Variants in RUBCN observed in about 807,000 individuals in gnomAD.
RUBCN encodes the protein run domain Beclin-1-interacting and cysteine-rich domain-containing protein.
A neutral mutation model predicts 113.2 loss-of-function variants in RUBCN; 74 were observed. The ratio of observed to expected loss-of-function variants is 0.65; its 90% confidence interval spans 0.54 to 0.79. The LOEUF is 0.79. RUBCN is among the 30% of genes least tolerant of loss of function. The pLI, the probability that RUBCN is intolerant of heterozygous loss-of-function variation, is 0.00. For missense variants in RUBCN, 1,109 were observed against 1,251.7 expected, an observed-to-expected ratio of 0.89 and a Z score of 1.72; for synonymous variants, 480 against 490.0, an observed-to-expected ratio of 0.98 and a Z score of 0.27.
chr3:197,679,378 T>C (rs1720905831), intron 16 of RUBCN, among the ~76,000 whole-genome samples: 1 of 147,312 alleles, frequency 6.8e-6, no homozygotes, highest in Non-Finnish European at 1.5e-5. Flanking sequence ...TAGACTGTCC[T>C]ACGCTCTAAC....
chr3:197,681,015 TG>T lies in RUBCN; in HGVS notation c.2430+113del, dbSNP rs1291892202. 11 of 517,016 alleles carry T rather than the reference TG, an allele frequency of 2.1e-5. No homozygotes were observed. Among genetic ancestry groups the T allele is most frequent in the Middle Eastern group, 4.9e-4 (1 of 2,024 alleles). 32.0% of individuals were successfully genotyped at this position (517,016 alleles called of 1,614,324 possible). A position where few individuals can be genotyped will look rare whatever the true frequency, so the allele number is the denominator to read the frequency against. ...AAGGAGAGGAGACGAGGGGAGGGGA[TG>T]GGGGGAGGGGACAAGAGGAGGGGAT... On this transcript the variant is annotated intron_variant, in intron 16 of 19. Transcript: ENST00000296343. This position sits in a 1 kb window ranked among gnomAD's most constrained non-coding sequence, Gnocchi z 5.5.
Position 197,681,295 on chromosome 3 carries a change from TG to T in RUBCN, c.2263del (p.Gln755ArgfsTer41). ...CAGAACCCGGCTGGGGATGGCCATC[TG>T]GGCATTCTCGTGGCAGCACTGGCAG... ...YFCQCCHENA[Q>X]MAIPSRVLRK... is the part of the protein sequence containing the mutation. On this transcript the variant is annotated frameshift_variant, in exon 16 of 20. Coordinates refer to ENST00000296343, the MANE Select transcript of RUBCN (RefSeq NM_014687.4). LOFTEE classifies it high-confidence loss of function. The surrounding 1 kb of genome is among the most constrained non-coding windows in gnomAD (Gnocchi z 5.5). The T allele has an allele frequency of 6.2e-7, 1 of 1,614,220 alleles. No individual in the cohort carries two copies. The highest frequency in any genetic ancestry group is 8.5e-7 in the Non-Finnish European group (1 of 1,180,034).
At position 197,671,358 on chromosome 3, in the gene RUBCN, G is replaced by A. The variant is rs987421615; in HGVS notation, c.*3660C>T. ...CTAATCATTGTTCCACTGAGGCGCA[G>A]GGAGGAAAATAATGTATGATCAAGA... On this transcript the variant is annotated 3_prime_UTR_variant, in exon 20 of 20. Coordinates refer to ENST00000296343, the MANE Select transcript of RUBCN (RefSeq NM_014687.4). 1 of 152,182 alleles carries A rather than the reference G, an allele frequency of 6.6e-6. No homozygotes were observed. Among genetic ancestry groups the A allele is most frequent in the Non-Finnish European group, 1.5e-5 (1 of 68,028 alleles). 9.4% of individuals were successfully genotyped at this position (152,182 alleles called of 1,614,324 possible).
At chr3:197,729,649 A>G (rs1727197610) in intron 1 of RUBCN, among the ~76,000 whole-genome samples, 10 of 152,070 alleles carry the variant, frequency 6.6e-5, no homozygotes, top group Admixed American at 6.6e-4. Context: ...ACCTCCGCCT[A>G]CCAGGTTCAA....
At position 197,683,369 on chromosome 3, in the gene RUBCN, T is replaced by C. The variant is rs1372975952; in HGVS notation, c.1918A>G (p.Met640Val). 4 of 1,614,112 alleles carry C rather than the reference T, an allele frequency of 2.5e-6. No individual in the cohort carries two copies. Among genetic ancestry groups the C allele is most frequent in the Non-Finnish European group, 3.4e-6 (4 of 1,180,006 alleles). ...AMGLLKQFEGMQLPAASELEW... is the reference protein window; with the variant it reads ...AMGLLKQFEGVQLPAASELEW... ...AGCTCCGAGGCGGCTGGAAGCTGCA[T>C]CCCCTCAAACTGCTTCAGGAGCCCC... Residue 640 changes from methionine to valine, a missense_variant, in exon 13 of 20, where the codon ATG becomes GTG. Physicochemically the swap from Met to Val is conservative, Grantham distance 21 (BLOSUM62 1). Coordinates refer to ENST00000296343, the MANE Select transcript of RUBCN (RefSeq NM_014687.4). This position sits in a 1 kb window ranked among gnomAD's most constrained non-coding sequence, Gnocchi z 4.6.
chr3:197,723,985 CT>C (rs1726454755), intron 1 of RUBCN, among the ~76,000 whole-genome samples: 1 of 152,152 alleles, frequency 6.6e-6, no homozygotes, highest in Non-Finnish European at 1.5e-5. Context: ...GTAATCCCAG[CT>C]ACTCGAGAGG....
upstream of RUBCN, among the ~76,000 whole-genome samples, chr3:197,738,831 GTCC>G (rs1728375917): frequency 6.6e-6 from 1 of 151,834 alleles, no homozygotes; most frequent in Non-Finnish European, 1.5e-5. Flanking sequence ...GGCTCAAGCA[GTCC>G]TCCTGCCTCA....
intron 2 of RUBCN, among the ~76,000 whole-genome samples, chr3:197,715,276 C>T (rs374741925): frequency 7.7e-5 from 10 of 130,636 alleles, no homozygotes; most frequent in African/African-American, 5.6e-5. Context: ...GCAACAAGAG[C>T]GAAACTCTAT....
chr3:197,698,350 C>G (rs765254624), intron 7 of RUBCN, among the ~76,000 whole-genome samples: 12 of 152,234 alleles, frequency 7.9e-5, no homozygotes, highest in Non-Finnish European at 1.3e-4. Flanking sequence ...TCAGCCCTCT[C>G]TCAATACTCT....
In RUBCN at chr3:197,673,718, T is replaced by C. The variant is rs1720018457; in HGVS notation, c.*1300A>G. The C allele has an allele frequency of 8.3e-6, 1 of 120,534 alleles. No individual in the cohort carries two copies. The highest frequency in any genetic ancestry group is 1.7e-5 in the Non-Finnish European group (1 of 60,444). The allele number at this position is 120,534 out of a possible 1,614,324, so 7.5% of individuals were successfully genotyped here. ...CAGCATTATCAAAAGGACTTCACCA[T>C]CAACACACATTAACGGGGGGAGGGG... On this transcript the variant is annotated 3_prime_UTR_variant, in exon 20 of 20. Coordinates refer to ENST00000296343, the MANE Select transcript of RUBCN (RefSeq NM_014687.4).
chr3:197,690,840 C>G (rs1241414471), intron 11 of RUBCN, among the ~76,000 whole-genome samples: 1 of 152,184 alleles, frequency 6.6e-6, no homozygotes, highest in African/African-American at 2.4e-5. Context: ...GAAGGATCAC[C>G]AAGGACAAAC....
chr3:197,732,286 A>G (rs1223256235), intron 1 of RUBCN, among the ~76,000 whole-genome samples: 1 of 152,222 alleles, frequency 6.6e-6, no homozygotes, highest in Admixed American at 6.5e-5. Flanking sequence ...AATGCCAGAA[A>G]GACCATTCCT....
intron 11 of RUBCN, among the ~76,000 whole-genome samples, chr3:197,688,631 TAGA>T (rs1722102354): frequency 6.6e-6 from 1 of 152,136 alleles, no homozygotes; most frequent in Non-Finnish European, 1.5e-5. Context: ...GCAGCTATAA[TAGA>T]AGAAGATGGA....
chr3:197,669,747 T>C lies in RUBCN; in HGVS notation c.*5271A>G, dbSNP rs912819124. 5.9e-5 allele frequency among the ~76,000 whole-genome samples: 9 copies of C among 152,278 alleles called. No individual in the cohort carries two copies. Among genetic ancestry groups the C allele is most frequent in the African/African-American group, 2.2e-4 (9 of 41,474 alleles). On this transcript the variant is annotated 3_prime_UTR_variant, in exon 20 of 20. Transcript: ENST00000296343. ...CCTGGGAGAATTTACGTATTTTGTT[T>C]AGAATTCTTCTGTGAGAATTTATTT...
chr3:197,712,326 T>C (rs1285700205), intron 2 of RUBCN, among the ~76,000 whole-genome samples: 2 of 152,202 alleles, frequency 1.3e-5, no homozygotes, highest in African/African-American at 4.8e-5. Context: ...ACAGCTTTCC[T>C]AAGGCCCTGA....
intron 7 of RUBCN, among the ~76,000 whole-genome samples, chr3:197,699,785 A>G (rs1580248999): frequency 1.3e-5 from 2 of 152,208 alleles, no homozygotes; most frequent in African/African-American, 2.4e-5. Context: ...TCCAGTTGCT[A>G]AAGAAACCGC....
chr3:197,728,405 C>G (rs1159302927), intron 1 of RUBCN, among the ~76,000 whole-genome samples: 3 of 152,168 alleles, frequency 2.0e-5, no homozygotes, highest in Non-Finnish European at 2.9e-5. Context: ...ATCATGTGAT[C>G]ATCCTGCTTT....
intron 2 of RUBCN, among the ~76,000 whole-genome samples, 178 bp downstream of exon 2, chr3:197,717,799 A>G (rs1214594068): frequency 6.6e-6 from 1 of 152,186 alleles, no homozygotes; most frequent in Non-Finnish European, 1.5e-5. Context: ...TCATTCCATT[A>G]ACATCTATGG....
intron 16 of RUBCN, among the ~76,000 whole-genome samples, chr3:197,680,301 A>G (rs1721058661): frequency 8.3e-6 from 1 of 120,036 alleles, no homozygotes; most frequent in African/African-American, 3.4e-5. Flanking sequence ...CGCTCTGACA[A>G]CTGGCTCCAG....
Sources: gnomAD v4.1 joint callset for allele counts (sites outside exome capture counted in the v4.1 genomes callset) on GRCh38, gnomAD v4.1.1 for gene constraint, Gnocchi (gnomAD v3.1) non-coding constraint, MANE v1.5 for transcripts, NCBI Gene and HGNC (gene_info 2026-07-23, HGNC 2026-07-21) for gene names.